ERC2: variants seen among roughly 807,000 people sequenced by gnomAD.
The protein encoded by ERC2 is ERC protein 2.
Under a neutral mutation model 114.8 loss-of-function variants are expected in ERC2, and 42 were observed. The ratio of observed to expected loss-of-function variants is 0.37; its 90% CI spans 0.29 to 0.47. The LOEUF (loss-of-function observed/expected upper bound fraction) is 0.47, where lower values mean the gene tolerates loss of function less well. ERC2 is among the 20% of genes least tolerant of loss of function. ERC2 has a pLI of 0.99. For synonymous variants in ERC2, 454 were observed against 425.5 expected, an observed-to-expected ratio of 1.07 and a Z score of -0.82; for missense variants, 939 against 1,150.7, an observed-to-expected ratio of 0.82 and a Z score of 2.66.
chr3:55,973,267 G>A (rs1037346967), intron 12 of ERC2, among the ~76,000 whole-genome samples: 1 of 152,188 alleles, frequency 6.6e-6, no homozygotes, highest in African/African-American at 2.4e-5. Context: ...AATGGAATCT[G>A]TTGGATTAGT....
intron 13 of ERC2, among the ~76,000 whole-genome samples, chr3:55,926,464 CA>C (rs2149393539): frequency 6.7e-6 from 1 of 150,030 alleles, no homozygotes; most frequent in African/African-American, 2.4e-5. Context: ...GAAGGACACA[CA>C]AAGATTTTAT....
At chr3:55,908,721 A>G in intron 13 of ERC2, among the ~76,000 whole-genome samples, 1 of 152,076 alleles carries the variant, frequency 6.6e-6, no homozygotes, top group East Asian at 1.9e-4. Context: ...AGCCCCATCC[A>G]TAACATTCAG....
At chr3:55,809,812 C>A (rs2059645884) in intron 14 of ERC2, among the ~76,000 whole-genome samples, 1 of 152,198 alleles carries the variant, frequency 6.6e-6, no homozygotes, top group East Asian at 1.9e-4. Flanking sequence ...CATTTTTGAT[C>A]CCCCAAACTG....
chr3:55,969,616 T>C (rs1461059778), intron 12 of ERC2, among the ~76,000 whole-genome samples: 1 of 152,194 alleles, frequency 6.6e-6, no homozygotes, highest in East Asian at 1.9e-4. Flanking sequence ...AGCACCTCCA[T>C]ACACCCCTTT....
At chr3:56,095,718 T>G (rs1374436398) in intron 6 of ERC2, among the ~76,000 whole-genome samples, 1 of 152,184 alleles carries the variant, frequency 6.6e-6, no homozygotes, top group Non-Finnish European at 1.5e-5. Flanking sequence ...AGAAATCTAG[T>G]TAGGCCCAGA....
At chr3:56,344,906 T>G (rs2058246287) in intron 2 of ERC2, among the ~76,000 whole-genome samples, 1 of 152,232 alleles carries the variant, frequency 6.6e-6, no homozygotes, top group African/African-American at 2.4e-5. Context: ...ACATCCTCGT[T>G]GGATGTGTCA....
intron 1 of ERC2, among the ~76,000 whole-genome samples, chr3:56,458,096 G>A (rs1056418990): frequency 5.3e-5 from 8 of 152,272 alleles, no homozygotes; most frequent in Admixed American, 1.3e-4. Flanking sequence ...CTTTTACGAC[G>A]ACTACATAAC....
intron 17 of ERC2, among the ~76,000 whole-genome samples, chr3:55,670,337 A>T (rs2061508912): frequency 1.3e-5 from 2 of 152,204 alleles, no homozygotes; most frequent in African/African-American, 4.8e-5. Flanking sequence ...AAAGCAGAGA[A>T]GTGGTCAATG....
intron 14 of ERC2, among the ~76,000 whole-genome samples, chr3:55,799,381 TTATA>T (rs749659338): frequency 2.8e-5 from 3 of 106,960 alleles, no homozygotes; most frequent in African/African-American, 7.5e-5. Flanking sequence ...TATATATGCC[TTATA>T]TATATATATG....
chr3:56,356,684 A>G (rs2058756615), intron 2 of ERC2, among the ~76,000 whole-genome samples: 1 of 152,134 alleles, frequency 6.6e-6, no homozygotes, highest in Non-Finnish European at 1.5e-5. Context: ...TCTGTGGTCC[A>G]AATCCAAGTG....
At chr3:55,888,678 T>C in intron 13 of ERC2, 129 bp from the exon 14 acceptor site, 7 of 1,086,304 alleles carry the variant, frequency 6.4e-6, no homozygotes, top group Non-Finnish European at 9.4e-6. Context: ...CGCTGTGTCT[T>C]GGAGCCCTTT....
intron 2 of ERC2, among the ~76,000 whole-genome samples, chr3:56,320,964 T>G (rs1426483685): frequency 6.6e-6 from 1 of 152,180 alleles, no homozygotes; most frequent in Non-Finnish European, 1.5e-5. Flanking sequence ...TCCGGCCAAG[T>G]AGAAGCATCA....
chr3:55,586,497 G>T (rs2057610056), intron 17 of ERC2, among the ~76,000 whole-genome samples: 1 of 152,174 alleles, frequency 6.6e-6, no homozygotes, highest in Admixed American at 6.5e-5. Context: ...CATCGAGTTG[G>T]TGACCTATTT....
intron 13 of ERC2, among the ~76,000 whole-genome samples, chr3:55,947,835 C>T: frequency 6.6e-6 from 1 of 152,128 alleles, no homozygotes. Context: ...ACATCTCTAC[C>T]AAAAATAAAC....
chr3:55,891,135 C>T (rs927324212), intron 13 of ERC2, among the ~76,000 whole-genome samples: 1 of 152,210 alleles, frequency 6.6e-6, no homozygotes, highest in Non-Finnish European at 1.5e-5. Context: ...GACCCCACAT[C>T]CCCTCACCCT....
At chr3:55,890,249 T>C (rs1298658178) in intron 13 of ERC2, among the ~76,000 whole-genome samples, 1 of 152,204 alleles carries the variant, frequency 6.6e-6, no homozygotes, top group Non-Finnish European at 1.5e-5. Context: ...TTCCTCCCTT[T>C]TTCTATTTTT....
intron 3 of ERC2, among the ~76,000 whole-genome samples, chr3:56,194,051 A>T (rs2047947857): frequency 6.6e-6 from 1 of 152,168 alleles, no homozygotes; most frequent in Non-Finnish European, 1.5e-5. Context: ...TTTAGTGTCT[A>T]CATTTTCCAT....
chr3:55,563,958 T>C (rs2056200822), intron 17 of ERC2, among the ~76,000 whole-genome samples: 1 of 152,180 alleles, frequency 6.6e-6, no homozygotes, highest in Non-Finnish European at 1.5e-5. Flanking sequence ...ACCCACAATA[T>C]TTGCAGCGTG....
intron 6 of ERC2, among the ~76,000 whole-genome samples, chr3:56,116,715 T>C (rs2079259424): frequency 1.3e-5 from 2 of 152,102 alleles, no homozygotes; most frequent in Non-Finnish European, 2.9e-5. Context: ...TTTTTTTCCA[T>C]CAGGATTCTA....
Sources: gnomAD v4.1 joint callset for allele counts (sites outside exome capture counted in the v4.1 genomes callset) on GRCh38, gnomAD v4.1.1 for gene constraint, MANE v1.5 for transcripts, NCBI Gene and HGNC (gene_info 2026-07-23, HGNC 2026-07-21) for gene names.